The following ZSCAN22 variants were observed in gnomAD, a reference collection of about 807,000 sequenced individuals.
ZSCAN22 encodes the protein zinc finger and SCAN domain-containing protein 22.
In ZSCAN22, 7 loss-of-function variants were observed where a neutral mutation model predicts 12.4. The ratio of observed to expected loss-of-function variants is 0.57; its 90% CI spans 0.32 to 1.06. The LOEUF is 1.06. ZSCAN22 is among the 50% of genes least tolerant of loss of function. The pLI is 0.04. For missense variants in ZSCAN22, 576 were observed against 631.7 expected (o/e 0.91, Z 0.94); for synonymous variants, 243 against 255.9 (o/e 0.95, Z 0.48).
chr19:58,327,630 G>A (rs1362703831), intron 1 of ZSCAN22, among the ~76,000 whole-genome samples: 1 of 152,170 alleles, frequency 6.6e-6, no homozygotes, highest in Non-Finnish European at 1.5e-5. Context: ...TGGAGTGTGT[G>A]ATTCTGATAG....
In ZSCAN22 at chr19:58,338,551, C is replaced by G. The variant is rs1389064261; in HGVS notation, c.701C>G (p.Pro234Arg). The change falls in exon 3 of 3, where the codon CCA becomes CGA. Residue 234 changes from proline to arginine, a missense_variant. Transcript: ENST00000329665. This position sits in a 1 kb window ranked among gnomAD's most constrained non-coding sequence, Gnocchi z 5.4. The part of the protein sequence containing the change: ...GASRNSSSAW[P>R]NLTSQEKPPS... ...TCGAGGAACAGTTCTAGTGCGTGGC[C>G]AAACCTCACCTCCCAAGAGAAGCCT... 3.7e-6 allele frequency: 6 copies of G among 1,614,218 alleles called. No individual in the cohort carries two copies. Among genetic ancestry groups the G allele is most frequent in the Non-Finnish European group, 5.1e-6 (6 of 1,180,052 alleles).
chr19:58,336,403 T>C (rs1423284413), intron 2 of ZSCAN22, among the ~76,000 whole-genome samples: 1 of 151,730 alleles, frequency 6.6e-6, no homozygotes, highest in Admixed American at 6.6e-5. Context: ...TCCCACAGGG[T>C]TGGCCAAAGC....
Position 58,329,884 on chromosome 19 carries a change from T to C in ZSCAN22, c.-52+2770T>C, listed in dbSNP as rs1312636751. On this transcript the variant is annotated intron_variant, in intron 1 of 2. Transcript: ENST00000329665. This position sits in a 1 kb window ranked among gnomAD's most constrained non-coding sequence, Gnocchi z 4.1. ...AAGGGGGAACTACCATAGTATAAAA[T>C]ACCTTGGTAAGGATGTAGAGAAATT... 6.6e-6 allele frequency among the ~76,000 whole-genome samples: 1 copy of C among 152,162 alleles called. No individual in the cohort carries two copies. The highest frequency in any genetic ancestry group is 1.5e-5 in the Non-Finnish European group (1 of 68,030).
chr19:58,337,447 G>A (rs1413710742), intron 2 of ZSCAN22, among the ~76,000 whole-genome samples: 49 of 118,724 alleles, frequency 4.1e-4, no homozygotes, highest in Middle Eastern at 4.8e-3. Flanking sequence ...AGGCCTAGAC[G>A]CAAGGTGTCG....
At chr19:58,330,133 A>C (rs2051705087) in intron 1 of ZSCAN22, among the ~76,000 whole-genome samples, 1 of 149,672 alleles carries the variant, frequency 6.7e-6, no homozygotes, top group Non-Finnish European at 1.5e-5. Context: ...CTAAAAGTAC[A>C]AAAAAAAATA....
chr19:58,336,842 C>A (rs1253421594), intron 2 of ZSCAN22, among the ~76,000 whole-genome samples: 1 of 152,204 alleles, frequency 6.6e-6, no homozygotes, highest in Non-Finnish European at 1.5e-5. Flanking sequence ...GCATCCATGG[C>A]TTACAGATGG....
At chr19:58,332,447 T>A (rs905807872) in intron 1 of ZSCAN22, among the ~76,000 whole-genome samples, 1 of 151,672 alleles carries the variant, frequency 6.6e-6, no homozygotes. Context: ...CTAATTTTTG[T>A]ATTTTTTAGT....
In ZSCAN22 at chr19:58,335,762, G is replaced by A. The variant is rs2051789700; in HGVS notation, c.403+557G>A. On this transcript the variant is annotated intron_variant, in intron 2 of 2. Transcript: ENST00000329665. This position sits in a 1 kb window ranked among gnomAD's most constrained non-coding sequence, Gnocchi z 4.1. ...GCCTGGGTGCCTGGGGTGGCTGTTG[G>A]GGGTGACGGAAATACCAGATGTCCC... is the stretch of plus-strand genomic sequence containing the variant. 6.6e-6 allele frequency among the ~76,000 whole-genome samples: 1 copy of A among 152,206 alleles called. No homozygotes were observed. Among genetic ancestry groups the A allele is most frequent in the South Asian group, 2.1e-4 (1 of 4,828 alleles).
intron 1 of ZSCAN22, among the ~76,000 whole-genome samples, chr19:58,331,518 GTTATTA>G (rs74179462): frequency 0.039 from 4,601 of 119,344 alleles, 145 homozygotes; most frequent in African/African-American, 0.1. Context: ...TCCAGCTGAC[GTTATTA>G]TTATTATTAT....
At chr19:58,331,530 A>G (rs1257242426) in intron 1 of ZSCAN22, among the ~76,000 whole-genome samples, 57 of 126,030 alleles carry the variant, frequency 4.5e-4, no homozygotes, top group East Asian at 1.3e-3. Context: ...TATTATTATT[A>G]TTATTATTAT....
rs1225747460 is a variant in ZSCAN22 at position 58,341,667 on chromosome 19, G to T, written c.*2341G>T. ...ACAGGCAGAGAGGGCCACATATCGTGTGCCAGAGGCTGAGAGACTGAGAGG... is the reference window on the plus strand; with the variant it reads ...ACAGGCAGAGAGGGCCACATATCGTTTGCCAGAGGCTGAGAGACTGAGAGG... On this transcript the variant is annotated 3_prime_UTR_variant, in exon 3 of 3. Transcript: ENST00000329665. 6.6e-6 allele frequency: 1 copy of T among 152,218 alleles called. No individual in the cohort carries two copies. The highest frequency in any genetic ancestry group is 2.4e-5 in the African/African-American group (1 of 41,446). 9.4% of individuals were successfully genotyped at this position (152,218 alleles called of 1,614,324 possible). A position where few individuals can be genotyped will look rare whatever the true frequency, so the allele number is the denominator to read the frequency against.
In ZSCAN22 at chr19:58,339,286, T is replaced by C. The variant is rs2051842558; in HGVS notation, c.1436T>C (p.Leu479Pro). 1 of 1,612,724 alleles carries C rather than the reference T, an allele frequency of 6.2e-7. No homozygotes were observed. Among genetic ancestry groups the C allele is most frequent in the African/African-American group, 1.3e-5 (1 of 74,914 alleles). ...CGKAFSRSSA[L>P]MVHLRIHITV... Reference sequence around the variant, plus strand: ...AAGGCCTTCAGTCGTAGCTCAGCCCTGATGGTTCACTTGCGGATCCACATC... The same window carrying C: ...AAGGCCTTCAGTCGTAGCTCAGCCCCGATGGTTCACTTGCGGATCCACATC... Residue 479 changes from leucine to proline, a missense_variant, in exon 3 of 3, where the codon CTG becomes CCG. Transcript: ENST00000329665. The surrounding 1 kb of genome is among the most constrained non-coding windows in gnomAD (Gnocchi z 5.6).
Position 58,338,648 on chromosome 19 carries a change from G to A in ZSCAN22, c.798G>A (p.Arg266=). 1 of 1,614,228 alleles carries A rather than the reference G, an allele frequency of 6.2e-7. No homozygotes were observed. Among genetic ancestry groups the A allele is most frequent in the Non-Finnish European group, 8.5e-7 (1 of 1,180,050 alleles). The change falls in exon 3 of 3, where the codon AGG becomes AGA. Residue 266 remains arginine (R), a synonymous_variant. Transcript: ENST00000329665. This position sits in a 1 kb window ranked among gnomAD's most constrained non-coding sequence, Gnocchi z 5.4. ...TEPPYTYSGK[R]SSKCRECRKM... is the part of the protein sequence containing the mutation. ...CTCCATACACCTACTCAGGGAAGAG[G>A]TCCTCCAAGTGTCGCGAGTGTAGGA...
intron 1 of ZSCAN22, among the ~76,000 whole-genome samples, chr19:58,327,398 C>T (rs2051665712): frequency 6.6e-6 from 1 of 152,184 alleles, no homozygotes; most frequent in African/African-American, 2.4e-5. Context: ...CGGAATGACA[C>T]ACTGAGTGCC....
Position 58,340,912 on chromosome 19 carries a change from C to T in ZSCAN22, c.*1586C>T, listed in dbSNP as rs1387815580. On this transcript the variant is annotated 3_prime_UTR_variant, in exon 3 of 3. Transcript: ENST00000329665. ...ATACCTCTCTTACAACTCCTGCCAC[C>T]TTGTTTTACTTATTTGCTCCTTGTA... 1 of 152,130 alleles carries T rather than the reference C, an allele frequency of 6.6e-6. No homozygotes were observed. Among genetic ancestry groups the T allele is most frequent in the Non-Finnish European group, 1.5e-5 (1 of 68,028 alleles). 9.4% of individuals were successfully genotyped at this position (152,130 alleles called of 1,614,324 possible).
chr19:58,333,444 T>C (rs2051750208), intron 1 of ZSCAN22, among the ~76,000 whole-genome samples: 2 of 152,200 alleles, frequency 1.3e-5, no homozygotes, highest in Non-Finnish European at 2.9e-5. Context: ...CGAAATCCAT[T>C]GTAGCATGTT....
rs556525951 is a variant in ZSCAN22 at position 58,340,904 on chromosome 19, C to T, written c.*1578C>T. ...CCTCCTAGATACCTCTCTTACAACT[C>T]CTGCCACCTTGTTTTACTTATTTGC... On this transcript the variant is annotated 3_prime_UTR_variant, in exon 3 of 3. Transcript: ENST00000329665. 1.3e-5 allele frequency: 2 copies of T among 152,264 alleles called. No homozygotes were observed. Among genetic ancestry groups the T allele is most frequent in the South Asian group, 2.1e-4 (1 of 4,818 alleles). 9.4% of individuals were successfully genotyped at this position (152,264 alleles called of 1,614,324 possible).
chr19:58,336,683 T>G (rs2051801579), intron 2 of ZSCAN22, among the ~76,000 whole-genome samples: 1 of 152,150 alleles, frequency 6.6e-6, no homozygotes, highest in African/African-American at 2.4e-5. Flanking sequence ...TGGATTTCAG[T>G]TTCCCCATCT....
intron 1 of ZSCAN22, among the ~76,000 whole-genome samples, chr19:58,333,875 ATGAG>A (rs1214428016): frequency 6.6e-6 from 1 of 152,210 alleles, no homozygotes; most frequent in Non-Finnish European, 1.5e-5. Flanking sequence ...AAAATAATTA[ATGAG>A]TAAGGTAGAA....
Sources: gnomAD v4.1 joint callset for allele counts (sites outside exome capture counted in the v4.1 genomes callset) on GRCh38, gnomAD v4.1.1 for gene constraint, Gnocchi (gnomAD v3.1) non-coding constraint, MANE v1.5 for transcripts, NCBI Gene and HGNC (gene_info 2026-07-23, HGNC 2026-07-21) for gene names.